Variants in KRT80 observed in about 807,000 individuals in gnomAD.
KRT80 encodes the protein keratin, type II cytoskeletal 80.
A neutral mutation model predicts 51.5 loss-of-function variants in KRT80; 36 were observed. That is an observed-to-expected ratio of 0.70 (90% CI 0.54 to 0.92). The LOEUF is 0.92. Ranked by LOEUF, KRT80 falls within the 40% of genes least tolerant of loss-of-function variation. The pLI is 0.00. For synonymous variants in KRT80, 235 were observed against 248.3 expected (o/e 0.95, Z 0.50); for missense variants, 566 against 591.7 (o/e 0.96, Z 0.45).
intron 4 of KRT80, among the ~76,000 whole-genome samples, chr12:52,176,915 G>A (rs1472306991): frequency 6.6e-6 from 1 of 152,232 alleles, no homozygotes; most frequent in East Asian, 1.9e-4. Flanking sequence ...CCATGTGTCA[G>A]TTACTGTTCT....
At position 52,180,957 on chromosome 12, in the gene KRT80, C is replaced by T; in HGVS notation, c.516G>A (p.Glu172=). 6.6e-7 allele frequency: 1 copy of T among 1,526,312 alleles called. No homozygotes were observed. The highest frequency in any genetic ancestry group is 8.8e-7 in the Non-Finnish European group (1 of 1,139,066). The allele number at this position is 1,526,312 out of a possible 1,614,324, so 94.5% of individuals were successfully genotyped here. A position where few individuals can be genotyped will look rare whatever the true frequency, so the allele number is the denominator to read the frequency against. ...TGTCTGTGCGCTTGGAGATCTCATC[C>T]TCATACCTGGGAGGGAGAGAGGGGT... The part of the protein sequence containing the change: ...EKVEEFRIRY[E]DEISKRTDME... Residue 172 remains glutamate, a synonymous_variant, in exon 3 of 9, where the codon GAG becomes GAA. Coordinates refer to ENST00000394815, the MANE Select transcript of KRT80 (RefSeq NM_182507.3).
intron 5 of KRT80, 24 bp downstream of exon 5, chr12:52,173,576 C>T (rs1040084307): frequency 9.3e-6 from 15 of 1,609,322 alleles, no homozygotes; most frequent in African/African-American, 8.0e-5. Flanking sequence ...GGCTGCTTCT[C>T]GTGCCCTGTG....
intron 2 of KRT80, 82 bp downstream of exon 2, chr12:52,185,297 C>A: frequency 7.5e-7 from 1 of 1,334,870 alleles, no homozygotes; most frequent in Non-Finnish European, 1.0e-6. Flanking sequence ...TCCTCTTTCT[C>A]TGGCTTAAGT....
intron 4 of KRT80, among the ~76,000 whole-genome samples, 183 bp downstream of exon 4, chr12:52,180,330 G>C (rs1461826114): frequency 1.3e-5 from 2 of 152,206 alleles, no homozygotes; most frequent in Non-Finnish European, 2.9e-5. Context: ...ATGTCCAGGG[G>C]TCATGCAGGG....
At position 52,171,368 on chromosome 12, in the gene KRT80, G is replaced by A. The variant is rs369106763; in HGVS notation, c.*30C>T. 3.9e-6 allele frequency: 6 copies of A among 1,545,022 alleles called. No homozygotes were observed. The highest frequency in any genetic ancestry group is 2.0e-5 in the Admixed American group (1 of 50,646). On this transcript the variant is annotated 3_prime_UTR_variant, in exon 9 of 9. Coordinates refer to ENST00000394815, the MANE Select transcript of KRT80 (RefSeq NM_182507.3). The stretch of plus-strand genomic sequence containing the variant: ...CTTAAGTCCCTCCTGCTGCAGTGGA[G>A]TGCCCTGGGGTTCCTGGGGTCCAGC...
intron 1 of KRT80, among the ~76,000 whole-genome samples, chr12:52,190,642 A>C (rs1941465555): frequency 6.6e-6 from 1 of 152,240 alleles, no homozygotes; most frequent in South Asian, 2.1e-4. Flanking sequence ...TGAAATGGAC[A>C]TAAAATTGTC....
In KRT80 at chr12:52,176,146, AC is replaced by A. The variant is rs1280723190; in HGVS notation, c.667-2383del. Among the ~76,000 whole-genome samples the A allele has an allele frequency of 2.0e-5, 3 of 152,360 alleles. No individual in the cohort carries two copies. The East Asian group carries it at 5.8e-4, about 29-fold the overall frequency. ...GGCAGGCTAAGCAGGAGCTTGGTAA[AC>A]AAAAGCAGGAAATGGAGCGTTCAGA... On this transcript the variant is annotated intron_variant, in intron 4 of 8. Coordinates refer to ENST00000394815, the MANE Select transcript of KRT80 (RefSeq NM_182507.3).
intron 2 of KRT80, among the ~76,000 whole-genome samples, chr12:52,182,504 A>C (rs770332340): frequency 5.9e-5 from 9 of 152,158 alleles, no homozygotes; most frequent in Non-Finnish European, 1.0e-4. Flanking sequence ...CCACGATTAT[A>C]GTGATGCTGT....
intron 1 of KRT80, among the ~76,000 whole-genome samples, chr12:52,190,066 A>G (rs1941458672): frequency 6.6e-6 from 1 of 152,202 alleles, no homozygotes; most frequent in Non-Finnish European, 1.5e-5. Context: ...TAGAGGGAGA[A>G]CCAGCTCAGC....
intron 4 of KRT80, among the ~76,000 whole-genome samples, chr12:52,179,821 G>C (rs1941291489): frequency 6.6e-6 from 1 of 152,208 alleles, no homozygotes; most frequent in Admixed American, 6.5e-5. Flanking sequence ...AGGGACTTTA[G>C]CTCAGGAGTG....
In KRT80 at chr12:52,172,343, G is replaced by A; in HGVS notation, c.1033C>T (p.Leu345=). 6.2e-7 allele frequency: 1 copy of A among 1,614,228 alleles called. No individual in the cohort carries two copies. The highest frequency in any genetic ancestry group is 8.5e-7 in the Non-Finnish European group (1 of 1,180,038). The change falls in exon 7 of 9, where the codon CTG becomes TTG. Residue 345 remains leucine (L), a synonymous_variant. Transcript: ENST00000394815. ...ELAFQDAKTK[L]AQLEAALQQA... is the part of the protein sequence containing the mutation. ...TGCAGGGCGGCCTCCAGCTGGGCCA[G>A]CTTGGTCTTGGCATCCTGGAAGGCC...
intron 2 of KRT80, among the ~76,000 whole-genome samples, chr12:52,183,705 C>T (rs539714089): frequency 4.7e-4 from 71 of 152,370 alleles, no homozygotes; most frequent in Admixed American, 1.6e-3. Flanking sequence ...ATAGAACTTC[C>T]AGTTACAAAG....
intron 4 of KRT80, among the ~76,000 whole-genome samples, chr12:52,177,675 G>GTATA (rs570223297): frequency 2.0e-5 from 3 of 151,844 alleles, no homozygotes; most frequent in East Asian, 1.9e-4. Context: ...GCATGTGTGT[G>GTATA]TATGTACACA....
chr12:52,173,454 G>GCCCCCT, intron 5 of KRT80, 146 bp downstream of exon 5: 1 of 453,596 alleles, frequency 2.2e-6, no homozygotes, highest in South Asian at 2.0e-5. Context: ...CCCCCCGCCC[G>GCCCCCT]CCCCGTCCCT....
At chr12:52,180,852 G>A (rs752263949) in intron 3 of KRT80, 51 bp downstream of exon 3, 10 of 1,611,308 alleles carry the variant, frequency 6.2e-6, no homozygotes, top group Non-Finnish European at 8.5e-6. Flanking sequence ...GAGGGAAAGA[G>A]GGCCCAGGGC....
chr12:52,183,222 G>A (rs1325590555), intron 2 of KRT80, among the ~76,000 whole-genome samples: 1 of 152,160 alleles, frequency 6.6e-6, no homozygotes, highest in Non-Finnish European at 1.5e-5. Context: ...GCCTTCGGAA[G>A]TCTCCATCCC....
intron 1 of KRT80, among the ~76,000 whole-genome samples, chr12:52,186,874 C>T (rs1366853276): frequency 2.0e-5 from 3 of 152,154 alleles, no homozygotes; most frequent in East Asian, 1.9e-4. Context: ...GGGGCTCCCC[C>T]TGCCTCCCTC....
At chr12:52,176,352 G>A (rs752859656) in intron 4 of KRT80, among the ~76,000 whole-genome samples, 5 of 152,208 alleles carry the variant, frequency 3.3e-5, no homozygotes, top group Non-Finnish European at 7.3e-5. Flanking sequence ...AGGCTGCTGT[G>A]CGTGTGAGCA....
At position 52,191,793 on chromosome 12, in the gene KRT80, G is replaced by C. The variant is rs771463710; in HGVS notation, c.110C>G (p.Pro37Arg). ...GTSGWDSCRA[P>R]GPGFSSRSLT... ...GCTGCGGGAGCTGAAGCCCGGCCCG[G>C]GGGCCCTGCAGCTGTCCCATCCTGA... The change falls in exon 1 of 9, where the codon CCC (proline) becomes CGC (arginine). Residue 37 changes from proline to arginine, a missense_variant. Coordinates refer to ENST00000394815, the MANE Select transcript of KRT80 (RefSeq NM_182507.3). 113 of 1,609,906 alleles carry C rather than the reference G, an allele frequency of 7.0e-5. No homozygotes were observed. The highest frequency in any genetic ancestry group is 1.1e-5 in the Non-Finnish European group (13 of 1,178,394).
Sources: allele counts gnomAD v4.1 joint callset (sites outside exome capture counted in the v4.1 genomes callset), GRCh38; gene constraint gnomAD v4.1.1; transcripts MANE v1.5; gene names NCBI Gene and HGNC (gene_info 2026-07-23, HGNC 2026-07-21).